TVP23C: variants seen among roughly 807,000 people sequenced by gnomAD.
TVP23C encodes the protein Golgi apparatus membrane protein TVP23 homolog C.
Under a neutral mutation model 28.7 loss-of-function variants are expected in TVP23C, and 19 were observed. That is an observed-to-expected ratio of 0.66 (90% confidence interval 0.46 to 0.97). TVP23C has a LOEUF of 0.97. Ranked by LOEUF, TVP23C falls within the 50% of genes least tolerant of loss-of-function variation. The probability of loss-of-function intolerance (pLI) is 0.00; values close to 1 mark genes in which losing one functional copy is unlikely to be tolerated. For synonymous variants in TVP23C, 68 were observed against 81.7 expected (o/e 0.83, Z 0.90); for missense variants, 186 against 241.3 (o/e 0.77, Z 1.52).
exon 6 of TVP23C, chr17:15,503,231 C>A: frequency 6.7e-7 from 1 of 1,494,880 alleles, no homozygotes. Flanking sequence ...GCGAGACCGT[C>A]TCTACAAAAA....
In TVP23C at chr17:15,537,473, C is replaced by G; in HGVS notation, c.*2939G>C. 1.0e-6 allele frequency: 1 copy of G among 985,116 alleles called. No individual in the cohort carries two copies. The highest frequency in any genetic ancestry group is 1.2e-6 in the Non-Finnish European group (1 of 829,704). 61.0% of individuals were successfully genotyped at this position (985,116 alleles called of 1,614,324 possible). On this transcript the variant is annotated 3_prime_UTR_variant, in exon 6 of 6. Transcript: ENST00000518321. ...AGAATAGCAGCAATCTCTGGGTATT[C>G]CTTAAACTATGATGATTCCACTTAT...
At chr17:15,533,192 T>C (rs919899412), downstream of TVP23C, among the ~76,000 whole-genome samples, 8 of 152,228 alleles carry the variant, frequency 5.3e-5, no homozygotes, top group Admixed American at 5.2e-4. Context: ...TCTATCATGA[T>C]TAAAGGTATC....
At chr17:15,502,941 C>G in exon 6 of TVP23C, 1 of 1,614,064 alleles carries the variant, frequency 6.2e-7, no homozygotes, top group Non-Finnish European at 8.5e-7. Flanking sequence ...TCCCCACCTC[C>G]CCTCCAGGCC....
exon 6 of TVP23C, chr17:15,502,377 C>G (rs756652556): frequency 6.5e-6 from 1 of 154,980 alleles, no homozygotes; most frequent in Non-Finnish European, 1.4e-5. Context: ...TAGTCCCCGC[C>G]CTCGGAAGTA....
chr17:15,543,928 T>C (rs958562351), intron 5 of TVP23C, among the ~76,000 whole-genome samples: 4 of 151,986 alleles, frequency 2.6e-5, no homozygotes, highest in African/African-American at 7.3e-5. Flanking sequence ...GGTCAAACCA[T>C]AGAACATAAA....
intron 5 of TVP23C, among the ~76,000 whole-genome samples, chr17:15,511,666 C>T (rs138868337): frequency 6.6e-6 from 1 of 152,286 alleles, no homozygotes; most frequent in Non-Finnish European, 1.5e-5. Context: ...ATCCTTCCTT[C>T]AATCAGAATG....
intron 5 of TVP23C, among the ~76,000 whole-genome samples, chr17:15,542,209 G>C (rs1346357976): frequency 1.3e-5 from 2 of 152,004 alleles, no homozygotes; most frequent in Non-Finnish European, 2.9e-5. Context: ...CAAAAGACCC[G>C]AGAAAAAAAT....
intron 5 of TVP23C, among the ~76,000 whole-genome samples, chr17:15,512,655 CAT>C (rs904250817): frequency 6.6e-6 from 1 of 151,914 alleles, no homozygotes; most frequent in Non-Finnish European, 1.5e-5. Context: ...TCACGAACAT[CAT>C]ATATATATAT....
At position 15,514,111 on chromosome 17, in the gene TVP23C, C is replaced by G. The variant is rs555849768; in HGVS notation, c.463-10879G>C. ...TTACTCTGGGCTACTTGCTTAGGAG[C>G]AGAGGCTGGACTTTCAAGGTGAATA... On this transcript the variant is annotated intron_variant, in intron 5 of 5. Transcript: ENST00000225576. Among the ~76,000 whole-genome samples the G allele has an allele frequency of 7.9e-4, 121 of 152,352 alleles. 1 individual carries two copies. The highest frequency in any genetic ancestry group is 1.9e-4 in the Non-Finnish European group (13 of 68,038).
chr17:15,519,928 T>A lies in TVP23C; in HGVS notation c.463-16696A>T, dbSNP rs1227839069. Among the ~76,000 whole-genome samples the A allele has an allele frequency of 1.3e-4, 20 of 152,310 alleles. No individual in the cohort carries two copies. The East Asian group carries it at 3.5e-3, about 26-fold the overall frequency. ...AACAAACAAACAAAAAGTACTGTCA[T>A]TTGGTTAACAGCTGCCTTTTATGGA... On this transcript the variant is annotated intron_variant, in intron 5 of 5. Transcript: ENST00000225576.
chr17:15,537,518 G>A lies in TVP23C; in HGVS notation c.*2894C>T, dbSNP rs767718428. On this transcript the variant is annotated 3_prime_UTR_variant, in exon 6 of 6. Transcript: ENST00000518321. ...ACTTATATTAACTGGGCCTTAAGTA[G>A]ATAACTTCTTACAAACAAAAATAAA... 1,123 of 984,780 alleles carry A rather than the reference G, an allele frequency of 1.1e-3. No individual in the cohort carries two copies. The highest frequency in any genetic ancestry group is 1.8e-3 in the Admixed American group (30 of 16,264). The allele number at this position is 984,780 out of a possible 1,614,324, so 61.0% of individuals were successfully genotyped here.
Position 15,502,899 on chromosome 17 carries a change from C to CG in TVP23C, c.795dup (p.Gly266ArgfsTer183), listed in dbSNP as rs1981537141. ...CCGGATGCCAGATGAAATTTTGGCCCGGGCTCACCAGTTCCTCTGCTATTG... is the reference window on the plus strand; with the variant it reads ...CCGGATGCCAGATGAAATTTTGGCCCGGGGCTCACCAGTTCCTCTGCTATTG... On this transcript the variant is annotated frameshift_variant, in exon 6 of 6. Transcript: ENST00000225576. LOFTEE classifies it high-confidence loss of function. The CG allele has an allele frequency of 6.3e-7, 1 of 1,593,518 alleles. No homozygotes were observed. The highest frequency in any genetic ancestry group is 1.4e-5 in the African/African-American group (1 of 73,866).
chr17:15,544,001 C>G (rs1983535324), intron 5 of TVP23C, among the ~76,000 whole-genome samples: 1 of 151,816 alleles, frequency 6.6e-6, no homozygotes, highest in Non-Finnish European at 1.5e-5. Context: ...GTCTGCCTGT[C>G]AGAAAGGCAC....
chr17:15,505,822 G>A (rs1981705578), intron 5 of TVP23C, among the ~76,000 whole-genome samples: 1 of 152,312 alleles, frequency 6.6e-6, no homozygotes, highest in African/African-American at 2.4e-5. Flanking sequence ...CCCGGGCAAT[G>A]AGCACCCGGG....
At chr17:15,553,854 A>G (rs1597545949) in intron 2 of TVP23C, 25 bp from the exon 3 acceptor site, 1 of 1,613,360 alleles carries the variant, frequency 6.2e-7, no homozygotes, top group East Asian at 2.2e-5. Flanking sequence ...ACAATGAAAG[A>G]AATGCAATTA....
intron 5 of TVP23C, among the ~76,000 whole-genome samples, chr17:15,524,058 A>C (rs561194063): frequency 0.014 from 1,908 of 136,568 alleles, 42 homozygotes; most frequent in African/African-American, 0.05. Context: ...GTTGTAGCAG[A>C]GTGGGGTGTG....
chr17:15,544,082 C>T (rs540521277), intron 5 of TVP23C, among the ~76,000 whole-genome samples: 2 of 149,982 alleles, frequency 1.3e-5, no homozygotes, highest in South Asian at 2.1e-4. Context: ...AAAAAAAAAA[C>T]ACCTTATGAG....
In TVP23C at chr17:15,561,602, AAATGAATG is replaced by A. The variant is rs201163005; in HGVS notation, c.12+1827_12+1834del. ...CAACAAGAGTGAAACTCCGTCTCAT[AAATGAATG>A]AATGAATGAATGAATGAATGAATAA... On this transcript the variant is annotated intron_variant, in intron 1 of 5. Transcript: ENST00000518321. 4.7e-3 allele frequency among the ~76,000 whole-genome samples: 596 copies of A among 127,138 alleles called. 1 individual carries two copies. The highest frequency in any genetic ancestry group is 8.1e-3 in the Middle Eastern group (2 of 246). 83.4% of individuals were successfully genotyped at this position (127,138 alleles called of 152,430 possible). A position where few individuals can be genotyped will look rare whatever the true frequency, so the allele number is the denominator to read the frequency against.
At chr17:15,555,423 T>C in intron 1 of TVP23C, 59 bp from the exon 2 acceptor site, 2 of 1,606,786 alleles carry the variant, frequency 1.2e-6, no homozygotes, top group Non-Finnish European at 1.7e-6. Context: ...ACACAGCCAC[T>C]GCAATGCAAA....
Sources: allele counts gnomAD v4.1 joint callset (sites outside exome capture counted in the v4.1 genomes callset), GRCh38; gene constraint gnomAD v4.1.1; transcripts MANE v1.5; gene names NCBI Gene and HGNC (gene_info 2026-07-23, HGNC 2026-07-21).